Variants in NAV2 observed in about 807,000 individuals in gnomAD.
NAV2 encodes helicase, APC down-regulated 1.
A neutral mutation model predicts 223.2 loss-of-function variants in NAV2; 54 were observed. That is an observed-to-expected ratio of 0.24 (90% confidence interval 0.19 to 0.30). The LOEUF (loss-of-function observed/expected upper bound fraction) is 0.30, where lower values mean the gene tolerates loss of function less well. Among genes scored for constraint, NAV2 ranks in the 10% least tolerant of loss-of-function variants. The pLI is 1.00. For synonymous variants in NAV2, 1,279 were observed against 1,239.3 expected (o/e 1.03, Z -0.67); for missense variants, 2,806 against 3,147.5 (o/e 0.89, Z 2.60).
Position 19,903,961 on chromosome 11 carries a change from ACAG to A in NAV2, c.931+11371_931+11373del, listed in dbSNP as rs538627669. Among the ~76,000 whole-genome samples the A allele has an allele frequency of 1.6e-4, 24 of 152,346 alleles. No individual in the cohort carries two copies. The South Asian group carries it at 4.8e-3, about 30-fold the overall frequency. ...CTTTCTCTTGAGTGGTGAGGAACTG[ACAG>A]CAGGCCTGAGCTAAAATTGGTCTTC... On this transcript the variant is annotated intron_variant, in intron 6 of 37. Coordinates refer to ENST00000349880, the MANE Select transcript of NAV2 (RefSeq NM_145117.5).
Position 19,409,088 on chromosome 11 carries a change from T to C in NAV2, c.75+58061T>C, listed in dbSNP as rs114305644. 3.0e-3 allele frequency among the ~76,000 whole-genome samples: 461 copies of C among 152,294 alleles called. 6 individuals carry two copies. Among genetic ancestry groups the C allele is most frequent in the African/African-American group, 0.011 (444 of 41,554 alleles). On this transcript the variant is annotated intron_variant, in intron 1 of 37. Transcript: ENST00000360655. Reference sequence around the variant, plus strand: ...TAATGAGTATGTTAAGCCATGTAAATCACATGTCTTTTTTTTCCCCTTTGG... The same window carrying C: ...TAATGAGTATGTTAAGCCATGTAAACCACATGTCTTTTTTTTCCCCTTTGG...
chr11:19,574,472 C>G (rs1261498473), intron 1 of NAV2, among the ~76,000 whole-genome samples: 1 of 152,172 alleles, frequency 6.6e-6, no homozygotes, highest in Non-Finnish European at 1.5e-5. Flanking sequence ...GGCTCCAACA[C>G]TCCTGGCCCT....
chr11:20,062,286 C>CT (rs145350141), intron 19 of NAV2, 21 bp from the exon 20 acceptor site: 12,251 of 1,286,340 alleles, frequency 9.5e-3, no homozygotes, highest in South Asian at 0.011. Context: ...ATCAATTCAC[C>CT]TTTTTTTTTT....
chr11:19,361,111 G>T (rs1414551175), intron 1 of NAV2, among the ~76,000 whole-genome samples: 1 of 151,892 alleles, frequency 6.6e-6, no homozygotes, highest in Non-Finnish European at 1.5e-5. Flanking sequence ...ACTATAAAAT[G>T]AGGATGGCAA....
At chr11:19,752,029 C>A (rs1191328320) in intron 1 of NAV2, among the ~76,000 whole-genome samples, 1 of 152,194 alleles carries the variant, frequency 6.6e-6, no homozygotes, top group Non-Finnish European at 1.5e-5. Flanking sequence ...TTCATGTTCT[C>A]ACCGTCCCTC....
rs913235491 is a variant in NAV2, at chr11:20,118,550, A to G, written c.*292A>G. ...AGACACTGAAGATACTTCTCGGGAAAGGATCATCGCCGTTGAAATGAAAAG... is the reference window on the plus strand; with the variant it reads ...AGACACTGAAGATACTTCTCGGGAAGGGATCATCGCCGTTGAAATGAAAAG... On this transcript the variant is annotated 3_prime_UTR_variant, in exon 38 of 38. Transcript: ENST00000349880. 11 of 242,548 alleles carry G rather than the reference A, an allele frequency of 4.5e-5. No individual in the cohort carries two copies. Among genetic ancestry groups the G allele is most frequent in the Non-Finnish European group, 7.9e-5 (10 of 127,328 alleles). The allele number at this position is 242,548 out of a possible 1,614,324, so 15.0% of individuals were successfully genotyped here. A position where few individuals can be genotyped will look rare whatever the true frequency, so the allele number is the denominator to read the frequency against.
At chr11:19,882,198 A>C (rs1275694784) in intron 5 of NAV2, among the ~76,000 whole-genome samples, 1 of 152,204 alleles carries the variant, frequency 6.6e-6, no homozygotes. Context: ...GGAAGGAAGG[A>C]CCTCAGTTGA....
intron 2 of NAV2, among the ~76,000 whole-genome samples, chr11:19,833,654 T>A (rs2060071905): frequency 6.6e-6 from 1 of 152,232 alleles, no homozygotes; most frequent in Non-Finnish European, 1.5e-5. Flanking sequence ...CTTTATTATC[T>A]CACAGCTTTT....
rs765772068 is a variant in NAV2 at position 19,892,547 on chromosome 11, C to T, written c.884C>T (p.Ser295Phe). 2 of 1,614,100 alleles carry T rather than the reference C, an allele frequency of 1.2e-6. No homozygotes were observed. Among genetic ancestry groups the T allele is most frequent in the Non-Finnish European group, 1.7e-6 (2 of 1,179,996 alleles). ...RSQSFNNYDK[S>F]KPVTSPPPPP... Reference sequence around the variant, plus strand: ...CAGAGCTTTAACAACTATGATAAATCCAAACCAGTCACCTCCCCACCCCCA... The same window carrying T: ...CAGAGCTTTAACAACTATGATAAATTCAAACCAGTCACCTCCCCACCCCCA... The change falls in exon 6 of 38, where the codon TCC (serine) becomes TTC (phenylalanine). Residue 295 changes from serine to phenylalanine, a missense_variant. By Grantham distance (155) the Ser-to-Phe change is radical. Around this residue, in one of 4 missense-constraint regions of NAV2, gnomAD observed 1,167 missense variants for 1,180.5 expected, o/e 0.99. Transcript: ENST00000349880.
chr11:19,998,223 A>G lies in NAV2; in HGVS notation c.2768+13976A>G, dbSNP rs1478744537. Among the ~76,000 whole-genome samples, 9 of 151,720 alleles carry G rather than the reference A, an allele frequency of 5.9e-5. No homozygotes were observed. Among genetic ancestry groups the G allele is most frequent in the Admixed American group, 5.3e-4 (8 of 15,206 alleles). ...CGGCAAACTCCCCCCAAACAGTTTC[A>G]AATCTCTCAGCTTCTCTCTGTCTCT... On this transcript the variant is annotated intron_variant, in intron 11 of 37. Coordinates refer to ENST00000349880, the MANE Select transcript of NAV2 (RefSeq NM_145117.5). This position sits in a 1 kb window ranked among gnomAD's most constrained non-coding sequence, Gnocchi z 5.0.
At chr11:19,848,026 C>G (rs898003926) in intron 3 of NAV2, among the ~76,000 whole-genome samples, 2 of 152,188 alleles carry the variant, frequency 1.3e-5, no homozygotes, top group African/African-American at 4.8e-5. Context: ...CTGAGCAGAT[C>G]ATGAACCCCA....
chr11:19,881,037 A>G (rs926881398), intron 5 of NAV2, among the ~76,000 whole-genome samples: 1 of 152,162 alleles, frequency 6.6e-6, no homozygotes, highest in African/African-American at 2.4e-5. Context: ...CATTCCCCCA[A>G]AGCACCAGCA....
At chr11:19,725,223 C>A (rs986406922) in intron 1 of NAV2, among the ~76,000 whole-genome samples, 1 of 152,208 alleles carries the variant, frequency 6.6e-6, no homozygotes, top group African/African-American at 2.4e-5. Flanking sequence ...GCATAAGCAA[C>A]TTGCCCAAGG....
chr11:19,552,303 G>A (rs563309347), intron 1 of NAV2, among the ~76,000 whole-genome samples: 12 of 152,324 alleles, frequency 7.9e-5, no homozygotes, highest in African/African-American at 2.6e-4. Context: ...GAGGGGAGGC[G>A]TGTGAGGCGT....
chr11:19,741,436 C>G (rs1315002737), intron 1 of NAV2, among the ~76,000 whole-genome samples: 1 of 151,298 alleles, frequency 6.6e-6, no homozygotes, highest in African/African-American at 2.4e-5. Context: ...TTCCCTCCCC[C>G]ACTTCAGGTA....
At chr11:19,555,835 G>T (rs1413143182) in intron 1 of NAV2, among the ~76,000 whole-genome samples, 1 of 151,940 alleles carries the variant, frequency 6.6e-6, no homozygotes, top group African/African-American at 2.4e-5. Context: ...CCTTCCTCGA[G>T]CCCACCCAGC....
intron 3 of NAV2, among the ~76,000 whole-genome samples, chr11:19,848,363 A>C (rs963339005): frequency 1.3e-5 from 2 of 152,236 alleles, no homozygotes; most frequent in Non-Finnish European, 2.9e-5. Context: ...GGAGGCCAGC[A>C]CCTGGGGAGA....
chr11:19,923,568 G>C (rs2044467607), intron 6 of NAV2, among the ~76,000 whole-genome samples: 1 of 152,200 alleles, frequency 6.6e-6, no homozygotes, highest in African/African-American at 2.4e-5. Context: ...AAAGCAGAAA[G>C]ATTGGGCTGG....
At chr11:20,089,693 G>A (rs72925455) in intron 26 of NAV2, among the ~76,000 whole-genome samples, 18 of 152,312 alleles carry the variant, frequency 1.2e-4, no homozygotes, top group Admixed American at 9.1e-4. Context: ...CAGTAACCCA[G>A]ATGCTAAGAT....
Sources: gnomAD v4.1 joint callset for allele counts (sites outside exome capture counted in the v4.1 genomes callset) on GRCh38, gnomAD v4.1.1 for gene constraint, gnomAD v4.1.1 regional missense constraint, Gnocchi (gnomAD v3.1) non-coding constraint, MANE v1.5 for transcripts, NCBI Gene and HGNC (gene_info 2026-07-23, HGNC 2026-07-21) for gene names.